ACAP2: variants seen among roughly 807,000 people sequenced by gnomAD.
ACAP2 encodes ArfGAP with coiled-coil, ankyrin repeat and PH domains 2.
ACAP2 carries 39 observed loss-of-function variants against 115.8 expected under a neutral mutation model. The observed-to-expected ratio is 0.34, with a 90% CI of 0.26 to 0.44. The LOEUF is 0.44. Ranked by LOEUF, ACAP2 falls within the 20% of genes least tolerant of loss-of-function variation. The pLI is 1.00. For missense variants in ACAP2, 662 were observed against 927.6 expected (o/e 0.71, Z 3.72); for synonymous variants, 289 against 315.8 (o/e 0.92, Z 0.90).
In ACAP2 at chr3:195,348,782, C is replaced by T. The variant is rs897964203; in HGVS notation, c.286-3465G>A. Among the ~76,000 whole-genome samples the T allele has an allele frequency of 3.3e-5, 5 of 152,174 alleles. No individual in the cohort carries two copies. The East Asian group carries it at 7.7e-4, about 24-fold the overall frequency. ...ATCTTCCCTTCCTGATTTTTAAAAA[C>T]TCTCAGGAATATAGACATATAAGGT... is the stretch of plus-strand genomic sequence containing the variant. On this transcript the variant is annotated intron_variant, in intron 4 of 22. Coordinates refer to ENST00000326793, the MANE Select transcript of ACAP2 (RefSeq NM_012287.6).
intron 1 of ACAP2, chr3:195,442,212 C>A (rs1270438227): frequency 1.3e-5 from 2 of 152,904 alleles, no homozygotes; most frequent in African/African-American, 4.8e-5. Flanking sequence ...CGCACGCATC[C>A]ACCGCGGGCG....
chr3:195,289,313 TTAAG>T, intron 20 of ACAP2, 82 bp from the exon 21 acceptor site: 1 of 868,230 alleles, frequency 1.2e-6, no homozygotes, highest in Non-Finnish European at 1.9e-6. Flanking sequence ...AAAGTACTAC[TTAAG>T]TAACATTTTC....
At chr3:195,424,219 G>A (rs1422120454) in intron 1 of ACAP2, among the ~76,000 whole-genome samples, 3 of 131,240 alleles carry the variant, frequency 2.3e-5, no homozygotes. Context: ...ACTTAGAATG[G>A]TCATATGTGT....
chr3:195,341,592 G>T (rs1203850393), intron 6 of ACAP2, among the ~76,000 whole-genome samples: 1 of 152,008 alleles, frequency 6.6e-6, no homozygotes, highest in African/African-American at 2.4e-5. Flanking sequence ...CAAAGTGCTG[G>T]GATGACAGGC....
Position 195,406,379 on chromosome 3 carries a change from G to A in ACAP2, c.54-14232C>T, listed in dbSNP as rs1033019027. On this transcript the variant is annotated intron_variant, in intron 1 of 22. Coordinates refer to ENST00000326793, the MANE Select transcript of ACAP2 (RefSeq NM_012287.6). ...ATTTATATTCTATAGTTTATCACTAGATATAATCCACTGATTTACCATGGC... is the reference window on the plus strand; with the variant it reads ...ATTTATATTCTATAGTTTATCACTAAATATAATCCACTGATTTACCATGGC... Among the ~76,000 whole-genome samples the A allele has an allele frequency of 7.9e-5, 12 of 152,234 alleles. 1 individual carries two copies. The highest frequency in any genetic ancestry group is 7.9e-4 in the Admixed American group (12 of 15,278).
intron 1 of ACAP2, among the ~76,000 whole-genome samples, chr3:195,425,861 C>T (rs1281453288): frequency 1.3e-5 from 2 of 152,094 alleles, no homozygotes; most frequent in Non-Finnish European, 2.9e-5. Flanking sequence ...CAACTATCTC[C>T]CAAGTTGTCT....
intron 4 of ACAP2, among the ~76,000 whole-genome samples, chr3:195,355,903 G>C (rs1398733974): frequency 6.6e-6 from 1 of 152,158 alleles, no homozygotes; most frequent in Non-Finnish European, 1.5e-5. Context: ...AGACTCCATT[G>C]CAACAAAAAT....
At chr3:195,285,935 A>C (rs1422284496) in intron 21 of ACAP2, 78 bp from the exon 22 acceptor site, 1 of 1,033,134 alleles carries the variant, frequency 9.7e-7, no homozygotes, top group South Asian at 1.5e-5. Context: ...AACAGGTAAT[A>C]CATGTACTAA....
chr3:195,364,501 A>G (rs1732583327), intron 4 of ACAP2, among the ~76,000 whole-genome samples: 1 of 151,990 alleles, frequency 6.6e-6, no homozygotes, highest in Non-Finnish European at 1.5e-5. Context: ...AACACCGGAG[A>G]TGGAGGTTGC....
chr3:195,313,906 C>G (rs563101052), intron 10 of ACAP2, among the ~76,000 whole-genome samples: 1 of 152,080 alleles, frequency 6.6e-6, no homozygotes, highest in South Asian at 2.1e-4. Context: ...GAAAATGACC[C>G]AACAAAGAAA....
At chr3:195,394,674 C>T (rs763643651) in intron 1 of ACAP2, among the ~76,000 whole-genome samples, 2 of 152,100 alleles carry the variant, frequency 1.3e-5, no homozygotes, top group East Asian at 1.9e-4. Context: ...AAAGTAGCGT[C>T]AGGCCAGGAG....
chr3:195,392,219 T>C (rs1734728772), intron 1 of ACAP2, 72 bp from the exon 2 acceptor site: 2 of 1,232,210 alleles, frequency 1.6e-6, no homozygotes, highest in Admixed American at 4.2e-5. Flanking sequence ...AAAGTAACTC[T>C]AAATGAAAAG....
chr3:195,426,561 T>A (rs928609969), intron 1 of ACAP2, among the ~76,000 whole-genome samples: 1 of 152,180 alleles, frequency 6.6e-6, no homozygotes, highest in African/African-American at 2.4e-5. Context: ...TTAAGCAGTA[T>A]TATGTCACAA....
In ACAP2 at chr3:195,342,609, G is replaced by A; in HGVS notation, c.390C>T (p.Val130=). The A allele has an allele frequency of 6.2e-7, 1 of 1,606,862 alleles. No homozygotes were observed. Among genetic ancestry groups the A allele is most frequent in the Non-Finnish European group, 8.5e-7 (1 of 1,178,104 alleles). The part of the protein sequence containing the change: ...FKDAKKQFEK[V]SEEKENALVK... ...CTAACGCATTTTCTTTTTCTTCACT[G>A]ACTTTTTCGAATTGCTTCTTGGCAT... Residue 130 remains valine (V), a synonymous_variant, in exon 6 of 23, where the codon GTC becomes GTT. Coordinates refer to ENST00000326793, the MANE Select transcript of ACAP2 (RefSeq NM_012287.6).
chr3:195,431,733 C>A (rs532606705), intron 1 of ACAP2, among the ~76,000 whole-genome samples: 113 of 151,960 alleles, frequency 7.4e-4, no homozygotes, highest in African/African-American at 2.5e-3. Flanking sequence ...AGGCATGAGG[C>A]ACCGCACCCA....
At chr3:195,441,787 AG>A (rs1299901795) in intron 1 of ACAP2, 23 of 152,210 alleles carry the variant, frequency 1.5e-4, no homozygotes, top group Non-Finnish European at 1.5e-5. Flanking sequence ...AACGCAACCT[AG>A]AAAAACTCCA....
chr3:195,356,238 T>C (rs1731960687), intron 4 of ACAP2: 3 of 455,470 alleles, frequency 6.6e-6, no homozygotes, highest in Non-Finnish European at 1.3e-5. Context: ...AACGCAGTGC[T>C]GCCAATCCCG....
At chr3:195,283,812 T>G (rs1726662464) in intron 22 of ACAP2, among the ~76,000 whole-genome samples, 1 of 152,174 alleles carries the variant, frequency 6.6e-6, no homozygotes, top group Non-Finnish European at 1.5e-5. Flanking sequence ...ATATACTATT[T>G]CCAGAATTCT....
chr3:195,323,591 CA>C (rs1729586488), intron 9 of ACAP2, among the ~76,000 whole-genome samples: 1 of 151,972 alleles, frequency 6.6e-6, no homozygotes, highest in Non-Finnish European at 1.5e-5. Flanking sequence ...TTGATTCATA[CA>C]AAATTGAAGG....
Sources: gnomAD v4.1 joint callset for allele counts (sites outside exome capture counted in the v4.1 genomes callset) on GRCh38, gnomAD v4.1.1 for gene constraint, MANE v1.5 for transcripts, NCBI Gene and HGNC (gene_info 2026-07-23, HGNC 2026-07-21) for gene names.